Variants in GSPT1 observed in about 807,000 individuals in gnomAD.
GSPT1 encodes the protein G1 to S phase transition 1, also known as eukaryotic peptide chain release factor GTP-binding subunit ERF3A.
In GSPT1, 20 loss-of-function variants were observed where a neutral mutation model predicts 72.5. That is an observed-to-expected ratio of 0.28 (90% CI 0.19 to 0.40). The LOEUF is 0.40. Ranked by LOEUF, GSPT1 falls within the 10% of genes least tolerant of loss-of-function variation. The pLI is 1.00. For synonymous variants in GSPT1, 334 were observed against 293.5 expected, an observed-to-expected ratio of 1.14 and a Z score of -1.41; for missense variants, 580 against 811.9, an observed-to-expected ratio of 0.71 and a Z score of 3.47.
intron 4 of GSPT1, 74 bp from the exon 5 acceptor site, chr16:11,895,061 C>A: frequency 1.2e-6 from 1 of 830,278 alleles, no homozygotes; most frequent in South Asian, 1.4e-5. Flanking sequence ...ACAACAGCAC[C>A]CTTTAACATA....
At chr16:11,896,510 C>T (rs1056883224) in intron 4 of GSPT1, 48 bp downstream of exon 4, 2 of 1,008,898 alleles carry the variant, frequency 2.0e-6, no homozygotes, top group Admixed American at 2.1e-5. Flanking sequence ...AAAGGATGTT[C>T]TATGTTTTAT....
At position 11,869,962 on chromosome 16, in the gene GSPT1, T is replaced by G. The variant is rs2053960687; in HGVS notation, c.*3157A>C. The G allele has an allele frequency of 6.6e-6, 1 of 152,204 alleles. No homozygotes were observed. Among genetic ancestry groups the G allele is most frequent in the South Asian group, 2.1e-4 (1 of 4,834 alleles). The allele number at this position is 152,204 out of a possible 1,614,324, so 9.4% of individuals were successfully genotyped here. A position where few individuals can be genotyped will look rare whatever the true frequency, so the allele number is the denominator to read the frequency against. On this transcript the variant is annotated 3_prime_UTR_variant, in exon 15 of 15. Coordinates refer to ENST00000434724, the MANE Select transcript of GSPT1 (RefSeq NM_002094.4). ...GAGAGGATGCCGGCAACTGTTGAAC[T>G]ACATCACAGTTCAAAGTCCCATATT...
chr16:11,901,129 C>G (rs2054400938), intron 1 of GSPT1, among the ~76,000 whole-genome samples: 1 of 152,208 alleles, frequency 6.6e-6, no homozygotes, highest in Admixed American at 6.5e-5. Flanking sequence ...TGCACTCCAG[C>G]CTGGGCGAGA....
At chr16:11,891,194 G>A in intron 5 of GSPT1, 55 bp from the exon 6 acceptor site, 2 of 899,506 alleles carry the variant, frequency 2.2e-6, no homozygotes, top group Non-Finnish European at 3.3e-6. Context: ...ATTACTCAGT[G>A]GAATTAGGAA....
chr16:11,904,978 G>C (rs1276086812), intron 1 of GSPT1, among the ~76,000 whole-genome samples: 1 of 152,206 alleles, frequency 6.6e-6, no homozygotes, highest in Non-Finnish European at 1.5e-5. Context: ...CCACGCAGGA[G>C]AATCACTGGA....
At chr16:11,914,207 G>C (rs909707487) in intron 1 of GSPT1, among the ~76,000 whole-genome samples, 2 of 152,160 alleles carry the variant, frequency 1.3e-5, no homozygotes, top group Non-Finnish European at 2.9e-5. Context: ...AGGAAACACT[G>C]ATAGTTCCTA....
chr16:11,886,998 C>A, intron 7 of GSPT1, 67 bp from the exon 8 acceptor site: 6 of 1,019,670 alleles, frequency 5.9e-6, no homozygotes, highest in Non-Finnish European at 8.5e-6. Flanking sequence ...AGTAAAACAT[C>A]TTTCCTTTCA....
At chr16:11,897,076 T>C (rs1026974739) in intron 3 of GSPT1, among the ~76,000 whole-genome samples, 6 of 152,160 alleles carry the variant, frequency 3.9e-5, no homozygotes, top group African/African-American at 7.2e-5. Context: ...AGTTCTAACA[T>C]TCCCAACAGC....
intron 9 of GSPT1, among the ~76,000 whole-genome samples, chr16:11,885,992 AG>A (rs1209238319): frequency 1.3e-5 from 2 of 152,374 alleles, no homozygotes; most frequent in East Asian, 3.8e-4. Context: ...CAATGAAAAA[AG>A]AATAGTCTTT....
At chr16:11,911,660 C>A (rs946942442) in intron 1 of GSPT1, among the ~76,000 whole-genome samples, 12 of 150,070 alleles carry the variant, frequency 8.0e-5, no homozygotes, top group African/African-American at 2.0e-4. Context: ...TCAAGTGATT[C>A]TCCTGCCTCA....
At chr16:11,889,692 G>C (rs970501400) in intron 6 of GSPT1, among the ~76,000 whole-genome samples, 2 of 151,804 alleles carry the variant, frequency 1.3e-5, no homozygotes, top group Non-Finnish European at 1.5e-5. Context: ...TTTTAGTAGA[G>C]ACAGGGTTTC....
chr16:11,873,928 C>A (rs757407750), intron 14 of GSPT1, among the ~76,000 whole-genome samples: 1 of 152,122 alleles, frequency 6.6e-6, no homozygotes, highest in Non-Finnish European at 1.5e-5. Context: ...AAGGGAATAT[C>A]CGTATTTGTG....
intron 1 of GSPT1, among the ~76,000 whole-genome samples, chr16:11,901,938 A>G (rs1414949960): frequency 6.6e-6 from 1 of 151,768 alleles, no homozygotes; most frequent in Non-Finnish European, 1.5e-5. Flanking sequence ...TCTACTAAAA[A>G]CACAAAAATT....
intron 10 of GSPT1, 96 bp from the exon 11 acceptor site, chr16:11,883,191 A>T: frequency 1.4e-6 from 1 of 734,366 alleles, no homozygotes; most frequent in Non-Finnish European, 2.4e-6. Flanking sequence ...TTATTCATAA[A>T]GGAAAATCAT....
chr16:11,873,273 T>C (rs1229919714), intron 14 of GSPT1, 102 bp from the exon 15 acceptor site: 1 of 606,530 alleles, frequency 1.6e-6, no homozygotes, highest in East Asian at 2.8e-5. Flanking sequence ...TTTTACAATG[T>C]AAGTTACTAA....
intron 14 of GSPT1, 46 bp downstream of exon 14, chr16:11,875,715 T>G (rs752036346): frequency 2.1e-6 from 3 of 1,406,026 alleles, no homozygotes; most frequent in Non-Finnish European, 2.9e-6. Flanking sequence ...TGACCAAAGC[T>G]AGGTATCCTG....
intron 11 of GSPT1, chr16:11,881,877 T>G (rs1054854953): frequency 2.6e-5 from 4 of 152,128 alleles, no homozygotes; most frequent in African/African-American, 9.7e-5. Flanking sequence ...CAGTGTGGTC[T>G]CCAACTCCTG....
At chr16:11,884,091 G>T (rs555530359) in intron 10 of GSPT1, among the ~76,000 whole-genome samples, 1 of 152,272 alleles carries the variant, frequency 6.6e-6, no homozygotes, top group African/African-American at 2.4e-5. Flanking sequence ...TGTATTTGAG[G>T]AGGGGAAAAC....
rs1447056367 is a variant in GSPT1, at chr16:11,870,863, T to C, written c.*2256A>G. On this transcript the variant is annotated 3_prime_UTR_variant, in exon 15 of 15. Coordinates refer to ENST00000434724, the MANE Select transcript of GSPT1 (RefSeq NM_002094.4). ...TTAGAGGTAGGCCCTTCACAGTTGATATCCAAGTTACTTAAGAGTCTTGGC... is the reference window on the plus strand; with the variant it reads ...TTAGAGGTAGGCCCTTCACAGTTGACATCCAAGTTACTTAAGAGTCTTGGC... 6.6e-6 allele frequency: 1 copy of C among 152,212 alleles called. No homozygotes were observed. Among genetic ancestry groups the C allele is most frequent in the African/African-American group, 2.4e-5 (1 of 41,454 alleles). 9.4% of individuals were successfully genotyped at this position (152,212 alleles called of 1,614,324 possible).
Sources: allele counts gnomAD v4.1 joint callset (sites outside exome capture counted in the v4.1 genomes callset), GRCh38; gene constraint gnomAD v4.1.1; transcripts MANE v1.5; gene names NCBI Gene and HGNC (gene_info 2026-07-23, HGNC 2026-07-21).